Variants in CLGN observed in about 807,000 individuals in gnomAD.
The protein encoded by CLGN is testis tissue sperm-binding protein Li 79P.
Under a neutral mutation model 79.1 loss-of-function variants are expected in CLGN, and 62 were observed. That is an observed-to-expected ratio of 0.78 (90% CI 0.64 to 0.97). The LOEUF is 0.97. Ranked by LOEUF, CLGN falls within the 50% of genes least tolerant of loss-of-function variation. The probability of loss-of-function intolerance (pLI) is 0.00; values close to 1 mark genes in which losing one functional copy is unlikely to be tolerated. For synonymous variants in CLGN, 225 were observed against 224.7 expected (o/e 1.00, Z -0.01); for missense variants, 647 against 715.5 (o/e 0.90, Z 1.09).
At position 140,389,216 on chromosome 4, in the gene CLGN, A is replaced by T. The variant is rs779012818; in HGVS notation, c.*8T>A. On this transcript the variant is annotated 3_prime_UTR_variant, in exon 15 of 15. Coordinates refer to ENST00000325617, the MANE Select transcript of CLGN (RefSeq NM_004362.3). ...CCCTCTCGGGAATTAAAAATATTTC[A>T]ATCTAGTTTAGTCCTTTCGTACTCT... 1 of 1,609,240 alleles carries T rather than the reference A, an allele frequency of 6.2e-7. No individual in the cohort carries two copies. The highest frequency in any genetic ancestry group is 2.2e-5 in the East Asian group (1 of 44,792).
At chr4:140,392,757 C>T in intron 11 of CLGN, 46 bp from the exon 12 acceptor site, 1 of 1,520,890 alleles carries the variant, frequency 6.6e-7, no homozygotes. Flanking sequence ...TTTTACAAAC[C>T]TTTACTGGGT....
intron 1 of CLGN, among the ~76,000 whole-genome samples, chr4:140,419,077 A>G (rs1729406707): frequency 6.6e-6 from 1 of 152,176 alleles, no homozygotes; most frequent in Non-Finnish European, 1.5e-5. Context: ...ATTGGAAAAC[A>G]TCATTCTCAG....
intron 1 of CLGN, among the ~76,000 whole-genome samples, chr4:140,424,839 G>A (rs1729532378): frequency 6.6e-6 from 1 of 152,132 alleles, no homozygotes; most frequent in African/African-American, 2.4e-5. Context: ...TGCTTCTGTG[G>A]TAGTTCAATA....
chr4:140,400,605 T>C, intron 6 of CLGN, 56 bp from the exon 7 acceptor site: 12 of 1,135,744 alleles, frequency 1.1e-5, no homozygotes, highest in Non-Finnish European at 1.5e-5. Flanking sequence ...ATTTAATGCA[T>C]TTCTGTATTT....
chr4:140,422,538 A>T (rs1578610629), intron 1 of CLGN, among the ~76,000 whole-genome samples: 1 of 152,164 alleles, frequency 6.6e-6, no homozygotes, highest in East Asian at 1.9e-4. Flanking sequence ...TTGTTTTCTT[A>T]ATTTCCTGTT....
intron 1 of CLGN, among the ~76,000 whole-genome samples, chr4:140,415,528 A>C (rs1729311418): frequency 6.6e-6 from 1 of 152,136 alleles, no homozygotes; most frequent in African/African-American, 2.4e-5. Context: ...AATGAAAAAC[A>C]AAAAAAGGCA....
rs1407352566 is a variant in CLGN at position 140,400,339 on chromosome 4, T to C, written c.694+18A>G. 4 of 1,539,024 alleles carry C rather than the reference T, an allele frequency of 2.6e-6. No homozygotes were observed. In the Admixed American group the frequency reaches 6.0e-5, roughly 23 times the overall value. Reference sequence around the variant, plus strand: ...CAGCAAATATTTTTGAATACATGAATGAATTAAAAGGGTATACCAAGGGTA... The same window carrying C: ...CAGCAAATATTTTTGAATACATGAACGAATTAAAAGGGTATACCAAGGGTA... On this transcript the variant is annotated intron_variant, in intron 7 of 14. Transcript: ENST00000325617.
chr4:140,403,229 C>T (rs796268785), intron 5 of CLGN, among the ~76,000 whole-genome samples: 1 of 152,232 alleles, frequency 6.6e-6, no homozygotes, highest in African/African-American at 2.4e-5. Flanking sequence ...CTAGTGACTC[C>T]TTGGGTAACG....
intron 8 of CLGN, among the ~76,000 whole-genome samples, chr4:140,398,263 C>CTTTTT (rs1162212217): frequency 3.0e-4 from 26 of 86,794 alleles, no homozygotes; most frequent in African/African-American, 7.5e-4. Flanking sequence ...CAAACATACT[C>CTTTTT]TTTTTTTTTT....
In CLGN at chr4:140,395,957, C is replaced by A; in HGVS notation, c.1011G>T (p.Thr337=). The change falls in exon 10 of 15, where the codon ACG becomes ACT. Residue 337 remains threonine, a synonymous_variant. Coordinates refer to ENST00000325617, the MANE Select transcript of CLGN (RefSeq NM_004362.3). ...AEKPDDWNED[T]DGEWEAPQIL... ...TCTGAGGTGCCTCCCATTCTCCATC[C>A]GTGTCTTCATTCCTTAGGATATTAA... 1 of 1,598,410 alleles carries A rather than the reference C, an allele frequency of 6.3e-7. No individual in the cohort carries two copies. Among genetic ancestry groups the A allele is most frequent in the Non-Finnish European group, 8.5e-7 (1 of 1,174,132 alleles).
chr4:140,420,655 A>G (rs781201399), intron 1 of CLGN, among the ~76,000 whole-genome samples: 2 of 152,110 alleles, frequency 1.3e-5, no homozygotes, highest in Non-Finnish European at 2.9e-5. Flanking sequence ...AGAATTAGAT[A>G]CTGAAGTTCA....
intron 5 of CLGN, among the ~76,000 whole-genome samples, chr4:140,405,009 G>C (rs1365538356): frequency 6.6e-6 from 1 of 151,906 alleles, no homozygotes; most frequent in Non-Finnish European, 1.5e-5. Context: ...CTGTGAGAAT[G>C]TGACCTTTAA....
intron 1 of CLGN, among the ~76,000 whole-genome samples, chr4:140,413,312 CAA>C (rs1729249173): frequency 1.3e-5 from 2 of 152,172 alleles, no homozygotes; most frequent in African/African-American, 2.4e-5. Context: ...CATCCAAAAA[CAA>C]AGAGCCAATG....
intron 2 of CLGN, among the ~76,000 whole-genome samples, chr4:140,411,521 G>T (rs778004799): frequency 6.6e-6 from 1 of 152,078 alleles, no homozygotes; most frequent in Non-Finnish European, 1.5e-5. Flanking sequence ...TGTTGTGATT[G>T]TATCTGTATG....
chr4:140,392,780 A>C (rs1728800243), intron 11 of CLGN, 69 bp from the exon 12 acceptor site: 1 of 1,405,720 alleles, frequency 7.1e-7, no homozygotes, highest in Non-Finnish European at 9.4e-7. Flanking sequence ...CACAAGATAC[A>C]AAAAAACTTA....
Position 140,413,117 on chromosome 4 carries a change from A to G in CLGN, c.-9-30T>C. On this transcript the variant is annotated intron_variant, in intron 1 of 14. Transcript: ENST00000325617. The stretch of plus-strand genomic sequence containing the variant: ...GAAATTAAAAGTAATTAGTGAAAAT[A>G]AAACAAAATTGTGAAAATAAGTGTT... The G allele has an allele frequency of 3.2e-6, 5 of 1,558,726 alleles. No homozygotes were observed. In the South Asian group the frequency reaches 4.6e-5, roughly 14 times the overall value.
At chr4:140,402,134 T>C in intron 5 of CLGN, 68 bp from the exon 6 acceptor site, 1 of 788,308 alleles carries the variant, frequency 1.3e-6, no homozygotes, top group Non-Finnish European at 2.0e-6. Context: ...TAAAATATAA[T>C]CTTATTATTC....
chr4:140,421,238 G>C (rs900385527), intron 1 of CLGN, among the ~76,000 whole-genome samples: 1 of 152,090 alleles, frequency 6.6e-6, no homozygotes, highest in Non-Finnish European at 1.5e-5. Flanking sequence ...CCTGTTGGCT[G>C]TTGTGAATAA....
intron 8 of CLGN, among the ~76,000 whole-genome samples, chr4:140,396,822 T>G (rs905651220): frequency 1.2e-4 from 18 of 147,130 alleles, no homozygotes; most frequent in Non-Finnish European, 2.4e-4. Context: ...CCCCCCAAAG[T>G]GCTGGGATTA....
Sources: gnomAD v4.1 joint callset for allele counts (sites outside exome capture counted in the v4.1 genomes callset) on GRCh38, gnomAD v4.1.1 for gene constraint, MANE v1.5 for transcripts, NCBI Gene and HGNC (gene_info 2026-07-23, HGNC 2026-07-21) for gene names.